The following EPB41L2 variants were observed in gnomAD, a reference collection of about 807,000 sequenced individuals.
The protein encoded by EPB41L2 is band 4.1-like protein 2.
Under a neutral mutation model 113.0 loss-of-function variants are expected in EPB41L2, and 43 were observed. That is an observed-to-expected ratio of 0.38 (90% CI 0.30 to 0.49). The LOEUF is 0.49. Among genes scored for constraint, EPB41L2 ranks in the 20% least tolerant of loss-of-function variants. The pLI, the probability that EPB41L2 is intolerant of heterozygous loss-of-function variation, is 0.95. For missense variants in EPB41L2, 1,147 were observed against 1,223.4 expected (o/e 0.94, Z 0.93); for synonymous variants, 442 against 436.7 (o/e 1.01, Z -0.15).
chr6:130,985,497 C>T (rs1031571155), intron 1 of EPB41L2, among the ~76,000 whole-genome samples: 2 of 152,166 alleles, frequency 1.3e-5, no homozygotes, highest in Non-Finnish European at 2.9e-5. Flanking sequence ...AAGCTAGATT[C>T]GACCTGGAAG....
rs117914053 is a variant in EPB41L2, at chr6:130,843,443, G to A, written c.*6-2845C>T. Among the ~76,000 whole-genome samples the A allele has an allele frequency of 7.6e-3, 1,151 of 152,308 alleles. 15 individuals carry two copies. Among genetic ancestry groups the A allele is most frequent in the Non-Finnish European group, 0.011 (721 of 68,024 alleles). ...AACATTCTTTTCTTTCTCTAAGCTT[G>A]AATTCTACTCATATTCATAGAAGTC... On this transcript the variant is annotated intron_variant, in intron 19 of 19. Coordinates refer to ENST00000337057, the MANE Select transcript of EPB41L2 (RefSeq NM_001431.4).
intron 11 of EPB41L2, among the ~76,000 whole-genome samples, chr6:130,890,061 T>C (rs1489444994): frequency 2.0e-5 from 3 of 151,940 alleles, no homozygotes; most frequent in Non-Finnish European, 4.4e-5. Flanking sequence ...TTCAACCTGT[T>C]TTAAAACAAA....
At chr6:130,858,073 A>G in intron 19 of EPB41L2, 58 bp downstream of exon 19, 1 of 1,296,198 alleles carries the variant, frequency 7.7e-7, no homozygotes. Context: ...ATCCTTTCAC[A>G]AGTTCAGGAG....
At chr6:131,029,850 T>C (rs1370095707) in intron 1 of EPB41L2, among the ~76,000 whole-genome samples, 3 of 151,882 alleles carry the variant, frequency 2.0e-5, no homozygotes, top group African/African-American at 7.3e-5. Context: ...CTGATTGTTC[T>C]GAGCCCTTTA....
chr6:131,000,179 A>T (rs1784056703), intron 1 of EPB41L2, among the ~76,000 whole-genome samples: 1 of 152,090 alleles, frequency 6.6e-6, no homozygotes, highest in African/African-American at 2.4e-5. Flanking sequence ...TACAGGCATC[A>T]CTATAATCTC....
At chr6:130,955,509 T>A (rs567186584) in intron 2 of EPB41L2, among the ~76,000 whole-genome samples, 192 bp from the exon 3 acceptor site, 5 of 152,316 alleles carry the variant, frequency 3.3e-5, no homozygotes, top group Admixed American at 3.3e-4. Flanking sequence ...AAAATTCTCA[T>A]TTTGCCAAGT....
intron 11 of EPB41L2, among the ~76,000 whole-genome samples, chr6:130,888,431 T>C (rs538759695): frequency 2.0e-4 from 31 of 152,356 alleles, no homozygotes; most frequent in Non-Finnish European, 3.2e-4. Context: ...ACAGACCTCC[T>C]GTAACCCTCT....
intron 19 of EPB41L2, among the ~76,000 whole-genome samples, chr6:130,846,526 T>G (rs1777090099): frequency 6.6e-6 from 1 of 152,224 alleles, no homozygotes; most frequent in Non-Finnish European, 1.5e-5. Flanking sequence ...AGGGAGAAAT[T>G]AAATCCAGTG....
intron 1 of EPB41L2, among the ~76,000 whole-genome samples, chr6:131,043,368 C>G (rs1309849535): frequency 6.6e-6 from 1 of 151,990 alleles, no homozygotes; most frequent in East Asian, 1.9e-4. Context: ...TAGGTATACT[C>G]TTTGAGTGGT....
intron 3 of EPB41L2, among the ~76,000 whole-genome samples, chr6:130,952,430 CTA>C (rs1419912997): frequency 6.7e-6 from 1 of 148,610 alleles, no homozygotes; most frequent in Admixed American, 6.8e-5. Context: ...CAAAGAAATA[CTA>C]TACAACAGTC....
At chr6:130,925,533 GT>G (rs1246912770) in intron 4 of EPB41L2, among the ~76,000 whole-genome samples, 3 of 152,112 alleles carry the variant, frequency 2.0e-5, no homozygotes, top group Non-Finnish European at 4.4e-5. Context: ...AAGAGAACAT[GT>G]TATTCTACAT....
chr6:130,908,207 C>T (rs1798290314), intron 5 of EPB41L2, among the ~76,000 whole-genome samples: 1 of 152,172 alleles, frequency 6.6e-6, no homozygotes, highest in Non-Finnish European at 1.5e-5. Context: ...CTCTTGGAGT[C>T]ATTTTGGGAT....
intron 19 of EPB41L2, among the ~76,000 whole-genome samples, chr6:130,852,275 C>T (rs1168579851): frequency 6.6e-6 from 1 of 152,158 alleles, no homozygotes; most frequent in Non-Finnish European, 1.5e-5. Flanking sequence ...ATGAACCCAG[C>T]AAATCTGCTA....
intron 1 of EPB41L2, among the ~76,000 whole-genome samples, chr6:131,023,542 G>C (rs1257750504): frequency 6.6e-6 from 1 of 151,992 alleles, no homozygotes; most frequent in Non-Finnish European, 1.5e-5. Flanking sequence ...AATTAGCCGG[G>C]CATGGTGGTG....
intron 1 of EPB41L2, among the ~76,000 whole-genome samples, chr6:130,974,950 G>A (rs1777868491): frequency 1.3e-5 from 2 of 151,446 alleles, no homozygotes; most frequent in African/African-American, 4.9e-5. Context: ...GGAGAGACGG[G>A]GTTTCACCAT....
intron 1 of EPB41L2, chr6:130,970,134 C>T (rs1325129566): frequency 6.6e-6 from 1 of 152,158 alleles, no homozygotes; most frequent in Non-Finnish European, 1.5e-5. Flanking sequence ...CTACTCTGTA[C>T]ATTAGTATTT....
At chr6:130,978,948 T>G (rs576471102) in intron 1 of EPB41L2, among the ~76,000 whole-genome samples, 30 of 152,094 alleles carry the variant, frequency 2.0e-4, no homozygotes, top group Non-Finnish European at 4.0e-4. Context: ...GAACAGTAAG[T>G]GAAGGACACA....
chr6:130,982,809 T>C (rs1365293656), intron 1 of EPB41L2, among the ~76,000 whole-genome samples: 1 of 152,216 alleles, frequency 6.6e-6, no homozygotes, highest in African/African-American at 2.4e-5. Context: ...GCACATATTA[T>C]CAAGTTCATT....
At chr6:130,935,767 G>C (rs760371501) in intron 3 of EPB41L2, among the ~76,000 whole-genome samples, 2 of 152,124 alleles carry the variant, frequency 1.3e-5, no homozygotes, top group Non-Finnish European at 2.9e-5. Flanking sequence ...ATTTTCAATA[G>C]TTTTCAAGAC....
Sources: allele counts gnomAD v4.1 joint callset (sites outside exome capture counted in the v4.1 genomes callset), GRCh38; gene constraint gnomAD v4.1.1; transcripts MANE v1.5; gene names NCBI Gene and HGNC (gene_info 2026-07-23, HGNC 2026-07-21).